Variants in LRBA observed in about 807,000 individuals in gnomAD.
LRBA encodes the protein LPS responsive beige-like anchor protein.
A neutral mutation model predicts 330.0 loss-of-function variants in LRBA; 176 were observed. The ratio of observed to expected loss-of-function variants is 0.53; its 90% CI spans 0.47 to 0.60. The LOEUF is 0.60. Among genes scored for constraint, LRBA ranks in the 20% least tolerant of loss-of-function variants. The pLI is 0.00. For missense variants in LRBA, 3,259 were observed against 3,444.8 expected, an observed-to-expected ratio of 0.95 and a Z score of 1.35; for synonymous variants, 1,230 against 1,193.0, an observed-to-expected ratio of 1.03 and a Z score of -0.64.
At chr4:150,489,217 A>T (rs1420539943) in intron 41 of LRBA, among the ~76,000 whole-genome samples, 85 of 101,342 alleles carry the variant, frequency 8.4e-4, no homozygotes, top group African/African-American at 2.9e-3. Context: ...TATATATACG[A>T]ATATATAATA....
intron 47 of LRBA, among the ~76,000 whole-genome samples, chr4:150,378,814 T>C (rs190528774): frequency 1.3e-5 from 2 of 152,296 alleles, no homozygotes; most frequent in African/African-American, 4.8e-5. Flanking sequence ...ATGTTATGAC[T>C]ATGACTAGTA....
At chr4:150,568,016 G>A (rs1038384742) in intron 40 of LRBA, among the ~76,000 whole-genome samples, 1 of 152,060 alleles carries the variant, frequency 6.6e-6, no homozygotes, top group East Asian at 1.9e-4. Flanking sequence ...AGTTCAAAGA[G>A]AGCACTTGCC....
intron 37 of LRBA, among the ~76,000 whole-genome samples, chr4:150,679,205 A>T (rs1782837672): frequency 6.6e-6 from 1 of 152,300 alleles, no homozygotes; most frequent in African/African-American, 2.4e-5. Flanking sequence ...ATAGCTTTTA[A>T]CGGGTCAAGT....
rs577965560 is a variant in LRBA, at chr4:150,636,114, A to G, written c.5922-36983T>C. Among the ~76,000 whole-genome samples, 17 of 150,886 alleles carry G rather than the reference A, an allele frequency of 1.1e-4. No individual in the cohort carries two copies. The East Asian group carries it at 3.3e-3, about 29-fold the overall frequency. ...CATGGTTTCAGTTTCTCTAATTACT[A>G]ATGATGTCCATTTTGATCACTTGAT... On this transcript the variant is annotated intron_variant, in intron 37 of 56. Transcript: ENST00000651943.
rs551307252 is a variant in LRBA at position 150,381,610 on chromosome 4, T to C, written c.7195-31451A>G. On this transcript the variant is annotated intron_variant, in intron 47 of 56. Coordinates refer to ENST00000651943, the MANE Select transcript of LRBA (RefSeq NM_001364905.1). ...TCCATTATTAATTATTTGGTAGGCA[T>C]TTGGGTTGTTTCTACTTTTTGGCTA... is the stretch of plus-strand genomic sequence containing the variant. 6.6e-5 allele frequency among the ~76,000 whole-genome samples: 10 copies of C among 152,326 alleles called. No individual in the cohort carries two copies. In the East Asian group the frequency reaches 7.7e-4, roughly 12 times the overall value.
chr4:150,846,270 T>C (rs1578978272), intron 26 of LRBA, among the ~76,000 whole-genome samples: 1 of 151,806 alleles, frequency 6.6e-6, no homozygotes, highest in Non-Finnish European at 1.5e-5. Flanking sequence ...GGGGCTCACA[T>C]CTGTAATCCC....
chr4:150,987,344 T>C (rs1242430207), intron 2 of LRBA, among the ~76,000 whole-genome samples: 1 of 152,186 alleles, frequency 6.6e-6, no homozygotes, highest in Admixed American at 6.5e-5. Flanking sequence ...TAAAGGTTAC[T>C]GAAAATAAGG....
intron 22 of LRBA, among the ~76,000 whole-genome samples, chr4:150,859,748 T>C (rs1751665875): frequency 6.6e-6 from 1 of 152,238 alleles, no homozygotes; most frequent in Non-Finnish European, 1.5e-5. Context: ...GCAGCATGTA[T>C]CCTGATGTAA....
At chr4:150,466,736 C>T (rs1024376390) in intron 44 of LRBA, among the ~76,000 whole-genome samples, 1 of 151,992 alleles carries the variant, frequency 6.6e-6, no homozygotes. Context: ...GGATATTCCA[C>T]TCACCTAAAA....
chr4:150,511,880 T>G (rs1182510385), intron 40 of LRBA, among the ~76,000 whole-genome samples: 1 of 152,232 alleles, frequency 6.6e-6, no homozygotes, highest in Non-Finnish European at 1.5e-5. Flanking sequence ...CACAGAGAAC[T>G]TCTCATCCTT....
chr4:150,622,223 A>AT (rs1378573713), intron 37 of LRBA, among the ~76,000 whole-genome samples: 41 of 152,354 alleles, frequency 2.7e-4, no homozygotes, highest in Non-Finnish European at 2.9e-5. Flanking sequence ...GCACATGAAA[A>AT]TAAGTAGACC....
chr4:150,674,395 TA>T (rs747748057), intron 37 of LRBA, among the ~76,000 whole-genome samples: 330 of 137,116 alleles, frequency 2.4e-3, no homozygotes, highest in Middle Eastern at 0.011. Flanking sequence ...CAGTAAAGTC[TA>T]AAAAAAAAAA....
chr4:150,496,067 T>C (rs182526090), intron 40 of LRBA, among the ~76,000 whole-genome samples: 6 of 152,258 alleles, frequency 3.9e-5, no homozygotes, highest in Non-Finnish European at 7.4e-5. Flanking sequence ...TATACACACA[T>C]AAATATTCTA....
chr4:150,954,897 A>T (rs975699363), intron 2 of LRBA, among the ~76,000 whole-genome samples: 4 of 148,320 alleles, frequency 2.7e-5, no homozygotes, highest in Non-Finnish European at 5.9e-5. Context: ...TAGAAATCAT[A>T]ACAGAAAGAA....
rs112383433 is a variant in LRBA, at chr4:150,485,224, C to G, written c.6551+2508G>C. ...AAATTACTGACATAACAGGGAGAGG[C>G]TGTCTATATTTCATTCCACTTCTAT... On this transcript the variant is annotated intron_variant, in intron 42 of 56. Transcript: ENST00000651943. Among the ~76,000 whole-genome samples, 1,316 of 152,008 alleles carry G rather than the reference C, an allele frequency of 8.7e-3. 17 individuals carry two copies. Among genetic ancestry groups the G allele is most frequent in the African/African-American group, 0.03 (1,252 of 41,498 alleles).
At chr4:150,508,004 C>T (rs928415918) in intron 40 of LRBA, among the ~76,000 whole-genome samples, 1 of 141,258 alleles carries the variant, frequency 7.1e-6, no homozygotes, top group Non-Finnish European at 1.5e-5. Context: ...CGCATGTTCT[C>T]ACTCATAGGT....
intron 37 of LRBA, among the ~76,000 whole-genome samples, chr4:150,629,482 T>G (rs1366202940): frequency 6.6e-6 from 1 of 150,574 alleles, no homozygotes; most frequent in Non-Finnish European, 1.5e-5. Flanking sequence ...CTACTAAAAA[T>G]ACAAAAATTA....
At chr4:150,315,470 GC>G (rs1731599797) in intron 51 of LRBA, 90 bp downstream of exon 51, 1 of 1,067,876 alleles carries the variant, frequency 9.4e-7, no homozygotes, top group African/African-American at 1.6e-5. Flanking sequence ...TCCATTCCCA[GC>G]AACCAGCAAG....
chr4:150,670,898 G>T (rs1165913220), intron 37 of LRBA, among the ~76,000 whole-genome samples: 1 of 151,888 alleles, frequency 6.6e-6, no homozygotes, highest in African/African-American at 2.4e-5. Flanking sequence ...TACATATAAA[G>T]GAATTTTAGA....
Sources: allele counts gnomAD v4.1 joint callset (sites outside exome capture counted in the v4.1 genomes callset), GRCh38; gene constraint gnomAD v4.1.1; transcripts MANE v1.5; gene names NCBI Gene and HGNC (gene_info 2026-07-23, HGNC 2026-07-21).